PYGB: variants seen among roughly 807,000 people sequenced by gnomAD.
PYGB encodes glycogen phosphorylase, brain form.
In PYGB, 82 loss-of-function variants were observed where a neutral mutation model predicts 94.3. The ratio of observed to expected loss-of-function variants is 0.87; its 90% confidence interval spans 0.73 to 1.04. The LOEUF is 1.04. Ranked by LOEUF, PYGB falls within the 50% of genes least tolerant of loss-of-function variation. PYGB has a pLI of 0.00. For missense variants in PYGB, 1,132 were observed against 1,158.2 expected, an observed-to-expected ratio of 0.98 and a Z score of 0.33; for synonymous variants, 488 against 479.1, an observed-to-expected ratio of 1.02 and a Z score of -0.24.
intron 4 of PYGB, among the ~76,000 whole-genome samples, chr20:25,272,461 G>A (rs1009738004): frequency 3.3e-5 from 5 of 152,228 alleles, no homozygotes; most frequent in Non-Finnish European, 5.9e-5. Context: ...CACGCACAGC[G>A]ATGCGTTTAG....
chr20:25,250,131 G>C (rs576313672), intron 1 of PYGB, among the ~76,000 whole-genome samples: 4 of 152,316 alleles, frequency 2.6e-5, no homozygotes, highest in African/African-American at 9.6e-5. Context: ...TTACAGGCGT[G>C]AGCCAACGCA....
chr20:25,257,681 T>A lies in PYGB; in HGVS notation c.244-1556T>A, dbSNP rs149137529. On this transcript the variant is annotated intron_variant, in intron 1 of 19. Coordinates refer to ENST00000216962, the MANE Select transcript of PYGB (RefSeq NM_002862.4). Reference sequence around the variant, plus strand: ...GTCATCTCTTAAAAAAAAATATACATTTTTAGTTAAAGGCAAAGTAAAAAC... The same window carrying A: ...GTCATCTCTTAAAAAAAAATATACAATTTTAGTTAAAGGCAAAGTAAAAAC... Among the ~76,000 whole-genome samples the A allele has an allele frequency of 3.3e-5, 5 of 152,242 alleles. No homozygotes were observed. In the South Asian group the frequency reaches 1.0e-3, roughly 32 times the overall value.
chr20:25,293,856 TCCACTAGGAATGTGGCATCAG>T (rs1442412184), intron 17 of PYGB: 3 of 418,854 alleles, frequency 7.2e-6, no homozygotes, highest in Non-Finnish European at 1.3e-5. Context: ...AGTGGCCCTC[TCCACTAGGAATGTGGCATCAG>T]CCACTATGTC....
At chr20:25,288,769 T>G (rs1269100813) in intron 15 of PYGB, among the ~76,000 whole-genome samples, 3 of 152,076 alleles carry the variant, frequency 2.0e-5, no homozygotes, top group African/African-American at 7.2e-5. Context: ...CCTTTCTCTT[T>G]GTGCCCAGTG....
intron 18 of PYGB, chr20:25,294,915 G>A (rs1568701412): frequency 6.5e-7 from 1 of 1,545,932 alleles, no homozygotes; most frequent in Non-Finnish European, 8.8e-7. Context: ...AGCTGCCTTT[G>A]GGTTAGTTTT....
intron 2 of PYGB, among the ~76,000 whole-genome samples, chr20:25,265,890 C>T (rs1005090848): frequency 2.0e-5 from 3 of 151,114 alleles, no homozygotes; most frequent in African/African-American, 7.3e-5. Flanking sequence ...CCACCATGCC[C>T]GGCCGATTTT....
chr20:25,248,152 C>G lies in PYGB; in HGVS notation c.-27C>G. On this transcript the variant is annotated 5_prime_UTR_variant, in exon 1 of 20. It adds an upstream start codon to the 5' untranslated region. Transcript: ENST00000216962. ...GTGTGCCGCCGCTTTCCTCCTCCAT[C>G]TCTTTTCCTCCGCCTCCGCCGGCGC... 1 of 1,569,560 alleles carries G rather than the reference C, an allele frequency of 6.4e-7. No homozygotes were observed.
At chr20:25,253,070 T>C (rs993312101) in intron 1 of PYGB, among the ~76,000 whole-genome samples, 4 of 152,146 alleles carry the variant, frequency 2.6e-5, no homozygotes, top group Admixed American at 2.6e-4. Context: ...ATTACAAGGG[T>C]GTTAGGAGCA....
intron 2 of PYGB, among the ~76,000 whole-genome samples, chr20:25,264,028 A>G (rs2092919137): frequency 7.4e-6 from 1 of 134,450 alleles, no homozygotes; most frequent in Non-Finnish European, 1.5e-5. Flanking sequence ...CAAAAATCAT[A>G]GTAAAATACT....
rs766260508 is a variant in PYGB, at chr20:25,290,535, G to A, written c.1882G>A (p.Gly628Ser). The stretch of plus-strand genomic sequence containing the variant: ...GATCATCAAGTTGGTCACCTCCATC[G>A]GCGACGTCGTCAATCATGACCCAGT... ...KLIIKLVTSI[G>S]DVVNHDPVVG... Residue 628 changes from glycine (G) to serine (S), a missense_variant, in exon 16 of 20, where the codon GGC becomes AGC. Transcript: ENST00000216962. 8.7e-6 allele frequency: 14 copies of A among 1,611,746 alleles called. No individual in the cohort carries two copies. Among genetic ancestry groups the A allele is most frequent in the Admixed American group, 1.7e-5 (1 of 60,000 alleles).
intron 9 of PYGB, among the ~76,000 whole-genome samples, 198 bp downstream of exon 9, chr20:25,279,347 GGC>G (rs2088345036): frequency 6.6e-6 from 1 of 152,090 alleles, no homozygotes; most frequent in Non-Finnish European, 1.5e-5. Context: ...ATGGGGTCAG[GGC>G]GCGGGGGAGA....
At chr20:25,253,115 C>T (rs1236190324) in intron 1 of PYGB, among the ~76,000 whole-genome samples, 1 of 152,242 alleles carries the variant, frequency 6.6e-6, no homozygotes, top group Non-Finnish European at 1.5e-5. Flanking sequence ...TATCTCATTA[C>T]ATCACAGTTT....
At chr20:25,287,051 C>T (rs1172758493) in intron 14 of PYGB, among the ~76,000 whole-genome samples, 1 of 152,242 alleles carries the variant, frequency 6.6e-6, no homozygotes, top group Non-Finnish European at 1.5e-5. Context: ...CCAGGCCCGG[C>T]TCGCTGGTGA....
chr20:25,282,296 C>G, intron 12 of PYGB, 149 bp downstream of exon 12: 1 of 681,124 alleles, frequency 1.5e-6, no homozygotes, highest in Non-Finnish European at 2.4e-6. Context: ...AGGGCTGAGC[C>G]CCTGAACATG....
intron 6 of PYGB, 33 bp from the exon 7 acceptor site, chr20:25,277,211 T>G: frequency 6.7e-7 from 1 of 1,500,858 alleles, no homozygotes; most frequent in Non-Finnish European, 9.3e-7. Flanking sequence ...CCAGGAGGCA[T>G]GTGTGTGTTG....
chr20:25,271,105 G>A (rs1568688984), intron 3 of PYGB, among the ~76,000 whole-genome samples: 1 of 152,098 alleles, frequency 6.6e-6, no homozygotes, highest in African/African-American at 2.4e-5. Flanking sequence ...GCAGTGGGGG[G>A]CTTCGTGCTT....
intron 2 of PYGB, among the ~76,000 whole-genome samples, chr20:25,266,626 A>T (rs996680336): frequency 2.6e-5 from 4 of 152,198 alleles, no homozygotes; most frequent in Admixed American, 1.3e-4. Flanking sequence ...ATAAATCCTA[A>T]ATCTGATAAG....
intron 17 of PYGB, among the ~76,000 whole-genome samples, chr20:25,293,363 C>T (rs1216256803): frequency 9.2e-5 from 14 of 152,186 alleles, no homozygotes; most frequent in Non-Finnish European, 2.9e-5. Context: ...TGTGTGTGGC[C>T]GTCAGGTCTC....
intron 2 of PYGB, among the ~76,000 whole-genome samples, chr20:25,268,761 G>A (rs1444436223): frequency 6.6e-6 from 1 of 152,168 alleles, no homozygotes. Context: ...TCACAACATT[G>A]TTTGAATACA....
Sources: allele counts gnomAD v4.1 joint callset (sites outside exome capture counted in the v4.1 genomes callset), GRCh38; gene constraint gnomAD v4.1.1; transcripts MANE v1.5; gene names NCBI Gene and HGNC (gene_info 2026-07-23, HGNC 2026-07-21).